The following GSDMC variants were observed in gnomAD, a reference collection of about 807,000 sequenced individuals.
The protein encoded by GSDMC is gasdermin C, also known as gasdermin-C.
In GSDMC, 59 loss-of-function variants were observed where a neutral mutation model predicts 58.0. That is an observed-to-expected ratio of 1.02 (90% CI 0.82 to 1.26). The LOEUF (loss-of-function observed/expected upper bound fraction) is 1.26. Ranked by LOEUF, GSDMC falls within the 50% of genes most tolerant of loss-of-function variation. The pLI, the probability that GSDMC is intolerant of heterozygous loss-of-function variation, is 0.00. For synonymous variants in GSDMC, 241 were observed against 220.2 expected, an observed-to-expected ratio of 1.09 and a Z score of -0.83; for missense variants, 659 against 598.5, an observed-to-expected ratio of 1.10 and a Z score of -1.06.
intron 6 of GSDMC, 110 bp from the exon 7 acceptor site, chr8:129,752,930 G>A (rs773244580): frequency 2.2e-5 from 34 of 1,527,436 alleles, no homozygotes; most frequent in Middle Eastern, 2.1e-4. Flanking sequence ...GCCAGTGCAC[G>A]AAGGGAGCAT....
At chr8:129,779,913 T>A (rs974369941) in intron 1 of GSDMC, among the ~76,000 whole-genome samples, 6 of 151,596 alleles carry the variant, frequency 4.0e-5, no homozygotes, top group Non-Finnish European at 5.9e-5. Flanking sequence ...TTCTATCAGA[T>A]AAATTTTTTA....
intron 4 of GSDMC, among the ~76,000 whole-genome samples, chr8:129,765,381 T>A (rs2033818634): frequency 6.6e-6 from 1 of 152,194 alleles, no homozygotes; most frequent in South Asian, 2.1e-4. Context: ...TACTAAATAA[T>A]TAAATATATT....
At chr8:129,723,513 G>T in the GSDMC span, among the ~76,000 whole-genome samples, 1 of 143,920 alleles carries the variant, frequency 6.9e-6, no homozygotes, top group Non-Finnish European at 1.5e-5. Flanking sequence ...TGATCCACCC[G>T]CCTCGGCCTC....
At position 129,784,892 on chromosome 8, in the gene GSDMC, A is replaced by G. The variant is rs76119104; in HGVS notation, c.-5+1119T>C. On this transcript the variant is annotated intron_variant, in intron 1 of 13. Transcript: ENST00000276708. ...GGTAAACAAAATGTGGTACATATACATAACAGAGTACTACTCAGCCATAAA... is the reference window on the plus strand; with the variant it reads ...GGTAAACAAAATGTGGTACATATACGTAACAGAGTACTACTCAGCCATAAA... Among the ~76,000 whole-genome samples the G allele has an allele frequency of 9.5e-3, 1,445 of 152,356 alleles. 24 individuals are homozygous for G. The highest frequency in any genetic ancestry group is 0.032 in the African/African-American group (1,313 of 41,586).
chr8:129,731,787 T>A, the GSDMC span, among the ~76,000 whole-genome samples: 1 of 152,144 alleles, frequency 6.6e-6, no homozygotes, highest in African/African-American at 2.4e-5. Context: ...ACCTTATAAC[T>A]GGAAAGTCAG....
At chr8:129,729,678 T>C in the GSDMC span, 1 of 461,876 alleles carries the variant, frequency 2.2e-6, no homozygotes, top group South Asian at 2.9e-5. Flanking sequence ...CCATGGTGTA[T>C]ATGTGCCACA....
the GSDMC span, among the ~76,000 whole-genome samples, chr8:129,731,404 C>T: frequency 2.0e-4 from 31 of 152,356 alleles, no homozygotes; most frequent in African/African-American, 7.2e-4. Context: ...CAGGAGCCTC[C>T]TGCTAGGGTG....
At chr8:129,756,510 A>G (rs763798461) in intron 6 of GSDMC, among the ~76,000 whole-genome samples, 1 of 152,174 alleles carries the variant, frequency 6.6e-6, no homozygotes, top group South Asian at 2.1e-4. Context: ...AAAGAAACTC[A>G]AGAAAGAAGC....
chr8:129,729,459 C>T, the GSDMC span, among the ~76,000 whole-genome samples: 206 of 152,230 alleles, frequency 1.4e-3, 2 homozygotes, highest in Middle Eastern at 6.8e-3. Context: ...TTCCCTCCCC[C>T]CTTCTCCCAC....
the GSDMC span, chr8:129,730,422 G>C: frequency 8.8e-7 from 1 of 1,140,562 alleles, no homozygotes. Flanking sequence ...ATCTTTAGTA[G>C]AAATTATTTC....
downstream of GSDMC, among the ~76,000 whole-genome samples, chr8:129,744,728 G>A (rs930644539): frequency 1.4e-4 from 21 of 152,264 alleles, no homozygotes; most frequent in East Asian, 3.9e-4. Context: ...CACACTAACC[G>A]TCTTTAAGAA....
intron 3 of GSDMC, among the ~76,000 whole-genome samples, chr8:129,767,204 T>A (rs1282224131): frequency 6.6e-6 from 1 of 152,134 alleles, no homozygotes; most frequent in East Asian, 1.9e-4. Flanking sequence ...CCTGCCTAAC[T>A]GTGGAGCACA....
intron 1 of GSDMC, among the ~76,000 whole-genome samples, chr8:129,780,782 C>T (rs2034382029): frequency 6.6e-6 from 1 of 152,182 alleles, no homozygotes. Context: ...GTAAACTACT[C>T]TTACCTTAAG....
the GSDMC span, among the ~76,000 whole-genome samples, chr8:129,720,194 C>T: frequency 6.6e-6 from 1 of 152,136 alleles, no homozygotes; most frequent in Non-Finnish European, 1.5e-5. Flanking sequence ...GTCAATACTT[C>T]CCAATATACA....
the GSDMC span, among the ~76,000 whole-genome samples, chr8:129,733,496 T>C: frequency 6.6e-6 from 1 of 152,208 alleles, no homozygotes; most frequent in Admixed American, 6.5e-5. Context: ...TTTGCTGTTC[T>C]GCAGCCTCTG....
chr8:129,731,711 G>A, the GSDMC span, among the ~76,000 whole-genome samples: 2 of 152,154 alleles, frequency 1.3e-5, no homozygotes, highest in African/African-American at 2.4e-5. Context: ...GTTATTCAAA[G>A]TTCACTGATT....
the GSDMC span, among the ~76,000 whole-genome samples, chr8:129,740,963 C>T: frequency 6.6e-6 from 1 of 152,074 alleles, no homozygotes; most frequent in Non-Finnish European, 1.5e-5. Context: ...TTCTGGTAGC[C>T]TTGCCGTTTC....
chr8:129,774,247 T>C (rs1286518314), intron 3 of GSDMC, among the ~76,000 whole-genome samples: 1 of 152,092 alleles, frequency 6.6e-6, no homozygotes, highest in East Asian at 1.9e-4. Context: ...AATAAACTCA[T>C]ATGTGTATGA....
the GSDMC span, among the ~76,000 whole-genome samples, chr8:129,735,574 T>A: frequency 1.3e-5 from 2 of 151,986 alleles, no homozygotes; most frequent in Non-Finnish European, 2.9e-5. Context: ...AACAACAAAA[T>A]GAAGGCAGAA....
Sources: allele counts gnomAD v4.1 joint callset (sites outside exome capture counted in the v4.1 genomes callset), GRCh38; gene constraint gnomAD v4.1.1; transcripts MANE v1.5; gene names NCBI Gene and HGNC (gene_info 2026-07-23, HGNC 2026-07-21).